Variants in HIF1A observed in about 807,000 individuals in gnomAD.
HIF1A encodes hypoxia inducible factor 1 subunit alpha.
In HIF1A, 24 loss-of-function variants were observed where a neutral mutation model predicts 92.7. The ratio of observed to expected loss-of-function variants is 0.26; its 90% CI spans 0.19 to 0.36. The LOEUF is 0.36. Ranked by LOEUF, HIF1A falls within the 10% of genes least tolerant of loss-of-function variation. The probability of loss-of-function intolerance (pLI) is 1.00; values close to 1 mark genes in which losing one functional copy is unlikely to be tolerated. For synonymous variants in HIF1A, 319 were observed against 338.7 expected (o/e 0.94, Z 0.64); for missense variants, 799 against 998.5 (o/e 0.80, Z 2.69).
chr14:61,745,667 T>G, intron 13 of HIF1A, 24 bp from the exon 14 acceptor site: 1 of 1,594,892 alleles, frequency 6.3e-7, no homozygotes, highest in Non-Finnish European at 8.5e-7. Context: ...CAAACTAAAC[T>G]TGAAATAACT....
Position 61,747,238 on chromosome 14 carries a change from C to T in HIF1A, c.*153C>T, listed in dbSNP as rs981877125. ...TTTGATCCCCTTTCTACTTAATTTA[C>T]ATTAATGCTCTTTTTTAGTATGTTC... On this transcript the variant is annotated 3_prime_UTR_variant, in exon 15 of 15. Transcript: ENST00000337138. 1 of 524,712 alleles carries T rather than the reference C, an allele frequency of 1.9e-6. No individual in the cohort carries two copies. Among genetic ancestry groups the T allele is most frequent in the South Asian group, 3.6e-5 (1 of 28,166 alleles). The allele number at this position is 524,712 out of a possible 1,614,324, so 32.5% of individuals were successfully genotyped here.
At chr14:61,699,031 A>C (rs2044146972) in intron 1 of HIF1A, 1 of 152,208 alleles carries the variant, frequency 6.6e-6, no homozygotes, top group Non-Finnish European at 1.5e-5. Context: ...TGAGTTGATA[A>C]AATATTCTCA....
intron 13 of HIF1A, chr14:61,745,476 A>C: frequency 1.8e-6 from 1 of 559,614 alleles, no homozygotes; most frequent in East Asian, 3.2e-5. Context: ...GGTATAATAC[A>C]TTCTGATATT....
In HIF1A at chr14:61,718,909, CAAT is replaced by C. The variant is rs576224685; in HGVS notation, c.36-1470_36-1468del. Among the ~76,000 whole-genome samples, 778 of 152,168 alleles carry C rather than the reference CAAT, an allele frequency of 5.1e-3. 6 individuals are homozygous for C. Among genetic ancestry groups the C allele is most frequent in the African/African-American group, 0.018 (730 of 41,508 alleles). Reference sequence around the variant, plus strand: ...GAGTTGAAATTTTTCTATCAAAGTTCAATAACATGCTTACATTCCTTATTAAAG... The same window carrying C: ...GAGTTGAAATTTTTCTATCAAAGTTCAACATGCTTACATTCCTTATTAAAG... On this transcript the variant is annotated intron_variant, in intron 1 of 14. Coordinates refer to ENST00000337138, the MANE Select transcript of HIF1A (RefSeq NM_001530.4).
chr14:61,714,845 C>T lies in HIF1A; in HGVS notation c.36-5537C>T, dbSNP rs190164345. ...GGTCAGGAGTTCCAGACCAGCCTGG[C>T]CAACATAATGAAACCCCATCTCTAC... On this transcript the variant is annotated intron_variant, in intron 1 of 14. Transcript: ENST00000337138. Among the ~76,000 whole-genome samples the T allele has an allele frequency of 2.0e-5, 3 of 152,100 alleles. No homozygotes were observed. In the East Asian group the frequency reaches 5.8e-4, roughly 29 times the overall value.
chr14:61,706,783 G>A (rs2044243550), intron 1 of HIF1A, among the ~76,000 whole-genome samples: 1 of 152,298 alleles, frequency 6.6e-6, no homozygotes, highest in South Asian at 2.1e-4. Flanking sequence ...ATGAAACATA[G>A]ACTTTAAACA....
chr14:61,741,223 T>C, intron 12 of HIF1A, 35 bp downstream of exon 12: 2 of 1,427,160 alleles, frequency 1.4e-6, no homozygotes, highest in Non-Finnish European at 9.6e-7. Context: ...ATAGTTCTTT[T>C]ATTATTTTTG....
At chr14:61,740,703 TTATTTA>T (rs1555339407) in intron 11 of HIF1A, 46 bp from the exon 12 acceptor site, 28 of 1,549,662 alleles carry the variant, frequency 1.8e-5, no homozygotes, top group Non-Finnish European at 2.2e-5. Flanking sequence ...CACTTGTTTT[TTATTTA>T]TAAGGTGTGG....
chr14:61,714,268 A>G (rs2140130644), intron 1 of HIF1A, among the ~76,000 whole-genome samples: 1 of 152,352 alleles, frequency 6.6e-6, no homozygotes, highest in African/African-American at 2.4e-5. Context: ...CAGCAAGACA[A>G]TGCTCAAAGC....
chr14:61,746,857 C>A, intron 14 of HIF1A, 77 bp from the exon 15 acceptor site: 1 of 1,181,022 alleles, frequency 8.5e-7, no homozygotes, highest in South Asian at 1.5e-5. Context: ...TTCTATGATA[C>A]CTAACACATT....
At chr14:61,720,257 A>G (rs973434089) in intron 1 of HIF1A, 125 bp from the exon 2 acceptor site, 1 of 635,552 alleles carries the variant, frequency 1.6e-6, no homozygotes, top group Non-Finnish European at 2.6e-6. Flanking sequence ...ATCTCCATGT[A>G]ACTTAATTAC....
At chr14:61,709,139 C>T (rs540403840) in intron 1 of HIF1A, among the ~76,000 whole-genome samples, 10 of 152,192 alleles carry the variant, frequency 6.6e-5, no homozygotes, top group African/African-American at 1.7e-4. Flanking sequence ...TCAGGTGATC[C>T]GCCCACCTCA....
At chr14:61,695,932 G>A in intron 1 of HIF1A, 93 bp downstream of exon 1, 1 of 1,184,080 alleles carries the variant, frequency 8.4e-7, no homozygotes, top group Non-Finnish European at 1.2e-6. Context: ...GCGTTAATGG[G>A]ATTGGGGGGG....
intron 7 of HIF1A, among the ~76,000 whole-genome samples, chr14:61,733,058 A>G (rs2044595403): frequency 6.6e-6 from 1 of 152,086 alleles, no homozygotes; most frequent in Non-Finnish European, 1.5e-5. Flanking sequence ...CAATCCAGTT[A>G]TACTCTTTTG....
chr14:61,725,714 G>A (rs73331647), intron 4 of HIF1A, among the ~76,000 whole-genome samples: 4,499 of 149,906 alleles, frequency 0.03, 98 homozygotes, highest in Non-Finnish European at 0.035. Context: ...AAGCCACTGC[G>A]CCCAGCAAGA....
intron 12 of HIF1A, among the ~76,000 whole-genome samples, chr14:61,742,403 G>C (rs1368157255): frequency 6.6e-6 from 1 of 152,084 alleles, no homozygotes; most frequent in Non-Finnish European, 1.5e-5. Context: ...TGCTGGGAGA[G>C]GTCTTTTCCC....
At chr14:61,727,704 C>A in intron 6 of HIF1A, 49 bp downstream of exon 6, 1 of 1,288,736 alleles carries the variant, frequency 7.8e-7, no homozygotes, top group Non-Finnish European at 1.1e-6. Context: ...TAGTCTACAG[C>A]ATTACTGAAT....
At chr14:61,731,450 TTTCCAATCTATTTTCATTTGAAA>T in intron 6 of HIF1A, among the ~76,000 whole-genome samples, 1 of 152,222 alleles carries the variant, frequency 6.6e-6, no homozygotes, top group Non-Finnish European at 1.5e-5. Context: ...ATTGGATTGT[TTTCCAATCTATTTTCATTTGAAA>T]TATTGTTTTA....
intron 1 of HIF1A, among the ~76,000 whole-genome samples, chr14:61,708,274 G>A (rs1162036757): frequency 3.3e-5 from 5 of 152,108 alleles, no homozygotes; most frequent in Non-Finnish European, 4.4e-5. Flanking sequence ...TCTGATGGTA[G>A]TTTCTTTTGC....
Sources: allele counts gnomAD v4.1 joint callset (sites outside exome capture counted in the v4.1 genomes callset), GRCh38; gene constraint gnomAD v4.1.1; transcripts MANE v1.5; gene names NCBI Gene and HGNC (gene_info 2026-07-23, HGNC 2026-07-21).